Variants in TMED3 observed in about 807,000 individuals in gnomAD.
TMED3 encodes the protein transmembrane p24 trafficking protein 3.
A neutral mutation model predicts 15.0 loss-of-function variants in TMED3; 9 were observed. The ratio of observed to expected loss-of-function variants is 0.60; its 90% CI spans 0.36 to 1.04. TMED3 has a LOEUF of 1.04. Among genes scored for constraint, TMED3 ranks in the 50% least tolerant of loss-of-function variants. The pLI is 0.01. For synonymous variants in TMED3, 117 were observed against 121.4 expected (o/e 0.96, Z 0.24); for missense variants, 267 against 278.9 (o/e 0.96, Z 0.30).
intron 2 of TMED3, among the ~76,000 whole-genome samples, chr15:79,357,351 A>G (rs1253352239): frequency 6.6e-6 from 1 of 150,484 alleles, no homozygotes; most frequent in African/African-American, 2.4e-5. Context: ...CAAGCATGGC[A>G]GTGCATGCCT....
chr15:79,376,574 C>A (rs1893430726), intron 2 of TMED3, among the ~76,000 whole-genome samples: 1 of 152,128 alleles, frequency 6.6e-6, no homozygotes, highest in Non-Finnish European at 1.5e-5. Flanking sequence ...CAGAGCAGAA[C>A]ACACTGTTGC....
intron 2 of TMED3, among the ~76,000 whole-genome samples, chr15:79,406,984 G>C (rs1167219588): frequency 6.6e-6 from 1 of 152,230 alleles, no homozygotes; most frequent in Non-Finnish European, 1.5e-5. Flanking sequence ...CTTCTTAAAA[G>C]TGCTAATGCC....
chr15:79,353,120 TAA>T (rs1358069672), intron 2 of TMED3, among the ~76,000 whole-genome samples: 2 of 77,456 alleles, frequency 2.6e-5, no homozygotes, highest in Non-Finnish European at 4.4e-5. Flanking sequence ...AATATATATA[TAA>T]TATATATAAA....
rs1270451124 is a variant in TMED3, at chr15:79,314,011, T to C, written c.417+6T>C. 1 of 1,614,116 alleles carries C rather than the reference T, an allele frequency of 6.2e-7. No homozygotes were observed. Among genetic ancestry groups the C allele is most frequent in the African/African-American group, 1.3e-5 (1 of 75,046 alleles). The stretch of plus-strand genomic sequence containing the variant: ...GGGTCACAGCTCTCACCCAGGTGAG[T>C]GAACATTAGCAGTTCGGGGCTGCTG... On this transcript the variant is annotated splice_donor_region_variant and intron_variant, in intron 2 of 2. Transcript: ENST00000299705.
chr15:79,328,714 A>AAG (rs2058796585), intron 2 of TMED3, among the ~76,000 whole-genome samples: 1 of 152,226 alleles, frequency 6.6e-6, no homozygotes, highest in South Asian at 2.1e-4. Flanking sequence ...CCACAGAAGC[A>AAG]AGAGAGAAGC....
intron 2 of TMED3, among the ~76,000 whole-genome samples, chr15:79,330,750 C>T (rs748238803): frequency 6.6e-5 from 10 of 152,174 alleles, no homozygotes; most frequent in Non-Finnish European, 1.5e-4. Flanking sequence ...AGGAACAAAG[C>T]CTGGAGGTAT....
At chr15:79,340,380 T>C (rs1361042433) in intron 2 of TMED3, among the ~76,000 whole-genome samples, 1 of 152,168 alleles carries the variant, frequency 6.6e-6, no homozygotes, top group African/African-American at 2.4e-5. Context: ...CTTTGAGCTG[T>C]TGAAAACCAT....
chr15:79,397,535 G>C (rs1893776674), intron 2 of TMED3, among the ~76,000 whole-genome samples: 1 of 152,184 alleles, frequency 6.6e-6, no homozygotes, highest in South Asian at 2.1e-4. Context: ...CAGATTCAAA[G>C]TGCAAGCCAA....
At chr15:79,402,347 G>A (rs1385367008) in intron 2 of TMED3, among the ~76,000 whole-genome samples, 1 of 152,214 alleles carries the variant, frequency 6.6e-6, no homozygotes, top group Non-Finnish European at 1.5e-5. Flanking sequence ...TGCTGGGTGG[G>A]TTCCCACATG....
chr15:79,363,876 G>A (rs1298463897), intron 2 of TMED3, among the ~76,000 whole-genome samples: 3 of 152,168 alleles, frequency 2.0e-5, no homozygotes, highest in Admixed American at 2.0e-4. Flanking sequence ...TGCCAAGCAA[G>A]GAGAATCGGG....
chr15:79,324,295 A>G (rs140293112), downstream of TMED3, among the ~76,000 whole-genome samples: 193 of 152,342 alleles, frequency 1.3e-3, 1 homozygote, highest in African/African-American at 4.3e-3. Context: ...CCGGCCCCAG[A>G]AGAAATATTT....
rs541769026 is a variant in TMED3 at position 79,393,186 on chromosome 15, A to G, written c.418-18214A>G. On this transcript the variant is annotated intron_variant, in intron 2 of 2. Transcript: ENST00000424155. ...GTTTTATCCAAAATTTTTGGAGGGTAAGGTCAAAAACATCTAGTCTGCAAT... is the reference window on the plus strand; with the variant it reads ...GTTTTATCCAAAATTTTTGGAGGGTGAGGTCAAAAACATCTAGTCTGCAAT... Among the ~76,000 whole-genome samples, 6 of 152,360 alleles carry G rather than the reference A, an allele frequency of 3.9e-5. 1 individual carries two copies. In the South Asian group the frequency reaches 1.2e-3, roughly 32 times the overall value.
chr15:79,388,004 G>T (rs1893647981), intron 2 of TMED3, among the ~76,000 whole-genome samples: 1 of 151,892 alleles, frequency 6.6e-6, no homozygotes. Context: ...GGTACTTCTG[G>T]GCAGTCTGTG....
chr15:79,339,012 T>A (rs1259711131), intron 2 of TMED3, among the ~76,000 whole-genome samples: 1 of 152,174 alleles, frequency 6.6e-6, no homozygotes, highest in Admixed American at 6.5e-5. Flanking sequence ...CAGGGGCCTG[T>A]CTCCCTGTGA....
intron 2 of TMED3, among the ~76,000 whole-genome samples, chr15:79,350,354 A>G (rs12441493): frequency 0.094 from 14,275 of 152,196 alleles, 712 homozygotes; most frequent in Admixed American, 0.12. Context: ...AAGCTGAGGA[A>G]CAAGGAAGCC....
intron 2 of TMED3, among the ~76,000 whole-genome samples, chr15:79,409,777 A>G (rs549750543): frequency 3.3e-5 from 5 of 152,286 alleles, no homozygotes; most frequent in Middle Eastern, 3.4e-3. Context: ...ATTATGGGTG[A>G]AATTTTGTTA....
chr15:79,374,606 G>A (rs531595582), intron 2 of TMED3, among the ~76,000 whole-genome samples: 10 of 152,290 alleles, frequency 6.6e-5, no homozygotes, highest in African/African-American at 2.4e-4. Context: ...ATAAAGTCAA[G>A]ATGGAAACTG....
chr15:79,348,940 C>T (rs1321245271), intron 2 of TMED3, among the ~76,000 whole-genome samples: 7 of 152,122 alleles, frequency 4.6e-5, no homozygotes, highest in Admixed American at 1.3e-4. Flanking sequence ...GGTGATCCTC[C>T]CACCTCGGGC....
intron 2 of TMED3, among the ~76,000 whole-genome samples, chr15:79,347,600 T>C (rs2058875660): frequency 6.6e-6 from 1 of 152,202 alleles, no homozygotes; most frequent in African/African-American, 2.4e-5. Flanking sequence ...CTATCCTTGT[T>C]TGCAGATGAC....
Sources: allele counts gnomAD v4.1 joint callset (sites outside exome capture counted in the v4.1 genomes callset), GRCh38; gene constraint gnomAD v4.1.1; transcripts MANE v1.5; gene names NCBI Gene and HGNC (gene_info 2026-07-23, HGNC 2026-07-21).